The following HSPA12A variants were observed in gnomAD, a reference collection of about 807,000 sequenced individuals.
The protein encoded by HSPA12A is heat shock protein family A (Hsp70) member 12A.
In HSPA12A, 28 loss-of-function variants were observed where a neutral mutation model predicts 69.2. The ratio of observed to expected loss-of-function variants is 0.40; its 90% CI spans 0.30 to 0.55. HSPA12A has a LOEUF of 0.55. HSPA12A is among the 20% of genes least tolerant of loss of function. HSPA12A has a pLI of 0.38. For synonymous variants in HSPA12A, 345 were observed against 370.5 expected (o/e 0.93, Z 0.79); for missense variants, 686 against 900.7 (o/e 0.76, Z 3.05).
rs191820979 is a variant in HSPA12A at position 116,710,569 on chromosome 10, A to G, written c.41-3284T>C. On this transcript the variant is annotated intron_variant, in intron 1 of 11. Transcript: ENST00000369209. This position sits in a 1 kb window ranked among gnomAD's most constrained non-coding sequence, Gnocchi z 4.1. Reference sequence around the variant, plus strand: ...CTTCAACCCCACGGCAACTGGGCCAATATTAAACAAATCATTTGACTTGCT... The same window carrying G: ...CTTCAACCCCACGGCAACTGGGCCAGTATTAAACAAATCATTTGACTTGCT... Among the ~76,000 whole-genome samples the G allele has an allele frequency of 2.2e-4, 34 of 152,266 alleles. No individual in the cohort carries two copies. Among genetic ancestry groups the G allele is most frequent in the Non-Finnish European group, 4.4e-4 (30 of 68,024 alleles).
chr10:116,850,028 G>A, upstream of HSPA12A: 1 of 562,430 alleles, frequency 1.8e-6, no homozygotes, highest in Non-Finnish European at 3.2e-6. Context: ...CTGCCTAAGA[G>A]GCCTCTCCGT....
At chr10:116,816,916 T>C (rs1186271283) in intron 2 of HSPA12A, among the ~76,000 whole-genome samples, 2 of 152,238 alleles carry the variant, frequency 1.3e-5, no homozygotes, top group Non-Finnish European at 2.9e-5. Context: ...ATCCTTGAGC[T>C]GTGTTAAAAC....
intron 6 of HSPA12A, among the ~76,000 whole-genome samples, chr10:116,684,834 C>T (rs1849528392): frequency 6.6e-6 from 1 of 152,202 alleles, no homozygotes; most frequent in African/African-American, 2.4e-5. Context: ...TGCTCTGTGA[C>T]ATCTGACCAG....
chr10:116,707,117 G>T, intron 2 of HSPA12A, 83 bp downstream of exon 2: 2 of 1,107,694 alleles, frequency 1.8e-6, no homozygotes, highest in Non-Finnish European at 2.5e-6. Context: ...TGCAAAGGAA[G>T]TCAGTACGCA....
chr10:116,839,659 A>G (rs1845774165), intron 1 of HSPA12A, among the ~76,000 whole-genome samples: 1 of 151,942 alleles, frequency 6.6e-6, no homozygotes, highest in Non-Finnish European at 1.5e-5. Flanking sequence ...CATTTTGTCA[A>G]AAATAGATGA....
At chr10:116,720,828 G>A (rs1850753775) in intron 1 of HSPA12A, among the ~76,000 whole-genome samples, 1 of 152,316 alleles carries the variant, frequency 6.6e-6, no homozygotes, top group East Asian at 1.9e-4. Context: ...TAAAGGAAAA[G>A]AGAAGGCCAA....
chr10:116,750,382 G>A, intron 2 of HSPA12A: 1 of 715,298 alleles, frequency 1.4e-6, no homozygotes, highest in East Asian at 2.6e-5. Flanking sequence ...AAGTCTTGGG[G>A]GGCCTTGAAG....
At chr10:116,679,823 T>G (rs1031743623) in intron 9 of HSPA12A, 62 bp from the exon 10 acceptor site, 5 of 1,570,094 alleles carry the variant, frequency 3.2e-6, no homozygotes, top group African/African-American at 2.7e-5. Context: ...CAATCCAGAC[T>G]CTGAGAAACA....
chr10:116,806,800 G>C (rs1845077578), intron 2 of HSPA12A, among the ~76,000 whole-genome samples: 1 of 152,222 alleles, frequency 6.6e-6, no homozygotes, highest in African/African-American at 2.4e-5. Flanking sequence ...GCAGGGGATT[G>C]ACCCGTGGCC....
At chr10:116,765,854 C>T (rs910822939) in intron 2 of HSPA12A, among the ~76,000 whole-genome samples, 1 of 152,224 alleles carries the variant, frequency 6.6e-6, no homozygotes, top group Admixed American at 6.5e-5. Flanking sequence ...CAAACATATT[C>T]TTTCCACTTT....
intron 2 of HSPA12A, among the ~76,000 whole-genome samples, chr10:116,778,997 T>C (rs1454164508): frequency 2.0e-5 from 3 of 152,198 alleles, no homozygotes; most frequent in Non-Finnish European, 1.5e-5. Context: ...AGGGTCTGTC[T>C]GCCCTTGGGT....
intron 6 of HSPA12A, among the ~76,000 whole-genome samples, chr10:116,690,634 G>C (rs1554880039): frequency 6.6e-6 from 1 of 152,088 alleles, no homozygotes; most frequent in South Asian, 2.1e-4. Context: ...AGAGCTGCAG[G>C]CCTTTTTCTC....
At chr10:116,676,805 G>A (rs551203910) in intron 10 of HSPA12A, among the ~76,000 whole-genome samples, 3 of 152,278 alleles carry the variant, frequency 2.0e-5, no homozygotes, top group Non-Finnish European at 4.4e-5. Context: ...TGTCTCTTTC[G>A]CAGGACCACA....
chr10:116,763,778 G>A (rs1844022115), intron 2 of HSPA12A, among the ~76,000 whole-genome samples: 3 of 152,134 alleles, frequency 2.0e-5, no homozygotes, highest in African/African-American at 7.2e-5. Flanking sequence ...ATCATCTGAG[G>A]TTTCTAAGAA....
chr10:116,735,530 A>G (rs2133056433), intron 1 of HSPA12A, among the ~76,000 whole-genome samples: 1 of 152,320 alleles, frequency 6.6e-6, no homozygotes, highest in South Asian at 2.1e-4. Context: ...GACCATGTGG[A>G]GAACGAAGCC....
intron 1 of HSPA12A, among the ~76,000 whole-genome samples, chr10:116,726,746 G>A (rs1379888364): frequency 3.3e-5 from 5 of 152,182 alleles, no homozygotes; most frequent in African/African-American, 1.2e-4. Flanking sequence ...CAGGTGTGCT[G>A]TCGGGCTCAC....
intron 2 of HSPA12A, among the ~76,000 whole-genome samples, chr10:116,806,173 G>A (rs992458662): frequency 6.6e-6 from 1 of 152,174 alleles, no homozygotes; most frequent in African/African-American, 2.4e-5. Flanking sequence ...ACAGCACAGT[G>A]GAATTCTACA....
intron 2 of HSPA12A, among the ~76,000 whole-genome samples, chr10:116,776,151 C>A (rs574987658): frequency 1.3e-5 from 2 of 152,310 alleles, no homozygotes; most frequent in African/African-American, 2.4e-5. Context: ...GACCACCTCA[C>A]CCCCTCCCTG....
intron 2 of HSPA12A, among the ~76,000 whole-genome samples, chr10:116,821,927 T>C (rs994569570): frequency 6.6e-6 from 1 of 152,242 alleles, no homozygotes; most frequent in Non-Finnish European, 1.5e-5. Flanking sequence ...GTTGAATTAA[T>C]GTAATCCAGA....
Sources: gnomAD v4.1 joint callset for allele counts (sites outside exome capture counted in the v4.1 genomes callset) on GRCh38, gnomAD v4.1.1 for gene constraint, Gnocchi (gnomAD v3.1) non-coding constraint, MANE v1.5 for transcripts, NCBI Gene and HGNC (gene_info 2026-07-23, HGNC 2026-07-21) for gene names.